The following RAB3GAP1 variants were observed in gnomAD, a reference collection of about 807,000 sequenced individuals.
RAB3GAP1 encodes rab3 GTPase-activating protein catalytic subunit.
In RAB3GAP1, 86 loss-of-function variants were observed where a neutral mutation model predicts 130.7. The observed-to-expected ratio is 0.66, with a 90% CI of 0.55 to 0.79. The LOEUF is 0.79. Among genes scored for constraint, RAB3GAP1 ranks in the 30% least tolerant of loss-of-function variants. RAB3GAP1 has a pLI of 0.00. For missense variants in RAB3GAP1, 1,029 were observed against 1,169.4 expected (o/e 0.88, Z 1.75); for synonymous variants, 367 against 401.7 (o/e 0.91, Z 1.03).
chr2:135,058,232 T>C (rs925321830), intron 3 of RAB3GAP1, 146 bp downstream of exon 3: 3 of 718,994 alleles, frequency 4.2e-6, no homozygotes, highest in Non-Finnish European at 7.2e-6. Context: ...TTGGAAGAAT[T>C]TGGATTTAAA....
intron 11 of RAB3GAP1, 34 bp downstream of exon 11, chr2:135,126,690 G>C: frequency 6.5e-7 from 1 of 1,533,498 alleles, no homozygotes; most frequent in South Asian, 1.1e-5. Flanking sequence ...CTGAAATACT[G>C]CTGATCTGCC....
Position 135,115,318 on chromosome 2 carries a change from T to C in RAB3GAP1, c.585T>C (p.Leu195=), listed in dbSNP as rs1416118187. 1 of 1,613,854 alleles carries C rather than the reference T, an allele frequency of 6.2e-7. No individual in the cohort carries two copies. Among genetic ancestry groups the C allele is most frequent in the African/African-American group, 1.3e-5 (1 of 75,046 alleles). ...GAACTGATTTCGAAATGGTTCATCT[T>C]AGAAAAGTGCCAAATCAGTACACTC... ...GVRTDFEMVH[L]RKVPNQYTHL... Residue 195 remains leucine, a synonymous_variant, in exon 7 of 24, where the codon CTT becomes CTC. Transcript: ENST00000264158.
chr2:135,064,755 G>GTT (rs746093269), intron 3 of RAB3GAP1, among the ~76,000 whole-genome samples: 114 of 104,926 alleles, frequency 1.1e-3, no homozygotes, highest in East Asian at 4.5e-3. Context: ...GAGGTGTTTT[G>GTT]TTTTTTTTTT....
chr2:135,106,121 C>A (rs193026520), intron 5 of RAB3GAP1, among the ~76,000 whole-genome samples: 6,859 of 151,912 alleles, frequency 0.045, 519 homozygotes, highest in African/African-American at 0.16. Flanking sequence ...GCCCTGCCAG[C>A]CGCCCCGTCC....
rs941895707 is a variant in RAB3GAP1 at position 135,135,472 on chromosome 2, G to A, written c.1555-92G>A. 3.2e-5 allele frequency: 47 copies of A among 1,466,534 alleles called. No individual in the cohort carries two copies. In the Admixed American group the frequency reaches 8.4e-4, roughly 26 times the overall value. The allele number at this position is 1,466,534 out of a possible 1,614,324, so 90.8% of individuals were successfully genotyped here. On this transcript the variant is annotated intron_variant, in intron 16 of 23. Coordinates refer to ENST00000264158, the MANE Select transcript of RAB3GAP1 (RefSeq NM_012233.3). ...ACTGCAATTCACAAGGTCCTGAGAA[G>A]TGGAGAGTGAAAATTAAATATTCAA... is the stretch of plus-strand genomic sequence containing the variant.
chr2:135,100,480 G>A (rs902941365), intron 5 of RAB3GAP1, among the ~76,000 whole-genome samples: 5 of 152,036 alleles, frequency 3.3e-5, no homozygotes, highest in East Asian at 3.9e-4. Context: ...CAAATTCAGC[G>A]GTGTATTTTG....
At chr2:135,141,119 G>A (rs1027600611) in intron 17 of RAB3GAP1, among the ~76,000 whole-genome samples, 7 of 149,690 alleles carry the variant, frequency 4.7e-5, no homozygotes, top group Admixed American at 4.7e-4. Flanking sequence ...TCTTAAAGCA[G>A]TTGTCTTTTT....
At chr2:135,078,476 C>G (rs1001045511) in intron 3 of RAB3GAP1, among the ~76,000 whole-genome samples, 2 of 151,972 alleles carry the variant, frequency 1.3e-5, no homozygotes, top group Non-Finnish European at 2.9e-5. Context: ...AATATGTTCC[C>G]TTTATTATGT....
At chr2:135,172,912 C>T (rs969572808), downstream of RAB3GAP1, among the ~76,000 whole-genome samples, 1 of 152,162 alleles carries the variant, frequency 6.6e-6, no homozygotes, top group African/African-American at 2.4e-5. Context: ...ATGTCACTCC[C>T]AAGGTTGGTT....
intron 3 of RAB3GAP1, among the ~76,000 whole-genome samples, chr2:135,086,659 ATC>A (rs1689991703): frequency 1.7e-5 from 2 of 119,238 alleles, no homozygotes; most frequent in African/African-American, 6.4e-5. Flanking sequence ...GCTTCCCCTA[ATC>A]TTTTTTTTTT....
chr2:135,086,922 C>T (rs1025345247), intron 3 of RAB3GAP1, among the ~76,000 whole-genome samples: 3 of 152,056 alleles, frequency 2.0e-5, no homozygotes, highest in Admixed American at 6.6e-5. Context: ...ATGGACCTCC[C>T]AAAGAGCTGA....
intron 3 of RAB3GAP1, among the ~76,000 whole-genome samples, chr2:135,061,522 GTATTTCTGTGATGA>G (rs1232814604): frequency 1.3e-5 from 2 of 152,096 alleles, no homozygotes; most frequent in Non-Finnish European, 2.9e-5. Context: ...GTTTTAGTCT[GTATTTCTGTGATGA>G]TATTAATATT....
chr2:135,155,532 G>C (rs566596438), intron 19 of RAB3GAP1, among the ~76,000 whole-genome samples: 1 of 152,154 alleles, frequency 6.6e-6, no homozygotes, highest in South Asian at 2.1e-4. Context: ...GTTATCATGG[G>C]AACATCATAG....
intron 2 of RAB3GAP1, among the ~76,000 whole-genome samples, 176 bp downstream of exon 2, chr2:135,052,661 G>A (rs1458083142): frequency 6.6e-6 from 1 of 152,036 alleles, no homozygotes; most frequent in Non-Finnish European, 1.5e-5. Context: ...TCCGCGTCTC[G>A]CGTCTGGCAA....
At chr2:135,160,556 C>G (rs935323790) in intron 19 of RAB3GAP1, among the ~76,000 whole-genome samples, 4 of 151,000 alleles carry the variant, frequency 2.6e-5, no homozygotes, top group African/African-American at 9.7e-5. Flanking sequence ...TGCCTGTAGT[C>G]TTAGCTACTC....
chr2:135,157,329 T>G (rs1692338920), intron 19 of RAB3GAP1, among the ~76,000 whole-genome samples: 1 of 152,200 alleles, frequency 6.6e-6, no homozygotes, highest in South Asian at 2.1e-4. Context: ...ATGCTTTACT[T>G]ATTCCAAAAA....
At chr2:135,055,797 A>C (rs1221035681) in intron 2 of RAB3GAP1, among the ~76,000 whole-genome samples, 1 of 152,124 alleles carries the variant, frequency 6.6e-6, no homozygotes, top group Non-Finnish European at 1.5e-5. Flanking sequence ...TGTAAACTTA[A>C]CACCAGGAAA....
At chr2:135,128,504 C>T (rs1297317419) in intron 11 of RAB3GAP1, among the ~76,000 whole-genome samples, 1 of 152,180 alleles carries the variant, frequency 6.6e-6, no homozygotes, top group African/African-American at 2.4e-5. Context: ...CGTTGAATTA[C>T]TACATATTAT....
At chr2:135,107,988 A>C (rs1482895340) in intron 5 of RAB3GAP1, among the ~76,000 whole-genome samples, 2 of 150,718 alleles carry the variant, frequency 1.3e-5, no homozygotes, top group Non-Finnish European at 3.0e-5. Flanking sequence ...AAAAAAAAAA[A>C]AAAAAAAAAA....
Sources: gnomAD v4.1 joint callset for allele counts (sites outside exome capture counted in the v4.1 genomes callset) on GRCh38, gnomAD v4.1.1 for gene constraint, MANE v1.5 for transcripts, NCBI Gene and HGNC (gene_info 2026-07-23, HGNC 2026-07-21) for gene names.